The following RBPMS variants were observed in gnomAD, a reference collection of about 807,000 sequenced individuals.
RBPMS encodes RNA binding protein, mRNA processing factor, also known as RNA-binding protein with multiple splicing.
Under a neutral mutation model 26.8 loss-of-function variants are expected in RBPMS, and 7 were observed. That is an observed-to-expected ratio of 0.26 (90% CI 0.15 to 0.49). RBPMS has a LOEUF of 0.49. Among genes scored for constraint, RBPMS ranks in the 20% least tolerant of loss-of-function variants. RBPMS has a pLI of 0.98. For synonymous variants in RBPMS, 96 were observed against 93.3 expected (o/e 1.03, Z -0.17); for missense variants, 186 against 250.0 (o/e 0.74, Z 1.73).
At chr8:30,480,243 T>C (rs1343403116) in intron 4 of RBPMS, among the ~76,000 whole-genome samples, 1 of 152,132 alleles carries the variant, frequency 6.6e-6, no homozygotes, top group Non-Finnish European at 1.5e-5. Flanking sequence ...ACTTGACTGG[T>C]TGTAATACAG....
intron 1 of RBPMS, among the ~76,000 whole-genome samples, chr8:30,467,352 G>C (rs1438841867): frequency 6.6e-6 from 1 of 152,194 alleles, no homozygotes; most frequent in Non-Finnish European, 1.5e-5. Context: ...GTTAACCAGT[G>C]TGTAAAATTT....
At chr8:30,565,157 G>A (rs1435389612) in intron 7 of RBPMS, 1 of 152,214 alleles carries the variant, frequency 6.6e-6, no homozygotes, top group Non-Finnish European at 1.5e-5. Context: ...CTTTTGCTAG[G>A]AAACTAGAAT....
intron 1 of RBPMS, among the ~76,000 whole-genome samples, chr8:30,443,259 A>G (rs1402484637): frequency 6.6e-6 from 1 of 152,196 alleles, no homozygotes; most frequent in Admixed American, 6.5e-5. Context: ...TCTGAAGACT[A>G]TTTTAAATAG....
intron 7 of RBPMS, among the ~76,000 whole-genome samples, chr8:30,560,560 A>G (rs1489602010): frequency 1.3e-5 from 2 of 152,148 alleles, no homozygotes; most frequent in African/African-American, 4.8e-5. Context: ...CTCTAACCCA[A>G]TGTATTTCAT....
intron 1 of RBPMS, among the ~76,000 whole-genome samples, chr8:30,414,158 T>C (rs1312990838): frequency 1.4e-5 from 2 of 144,104 alleles, no homozygotes; most frequent in South Asian, 2.4e-4. Flanking sequence ...CAGTGGGTCA[T>C]TGATTGCTGT....
At position 30,455,496 on chromosome 8, in the gene RBPMS, A is replaced by G. The variant is rs1815091482; in HGVS notation, c.67-19283A>G. 5.3e-5 allele frequency among the ~76,000 whole-genome samples: 8 copies of G among 152,316 alleles called. No individual in the cohort carries two copies. The South Asian group carries it at 1.7e-3, about 32-fold the overall frequency. On this transcript the variant is annotated intron_variant, in intron 1 of 8. Transcript: ENST00000397323. ...TGCATTAGGAGTACAGAAGAGAAAA[A>G]GAATTGGGGCAGTGGGGAAAGCTGC...
At chr8:30,529,176 G>A (rs192477413) in intron 5 of RBPMS, among the ~76,000 whole-genome samples, 185 of 151,788 alleles carry the variant, frequency 1.2e-3, no homozygotes, top group African/African-American at 4.4e-3. Context: ...CCAAGATTGC[G>A]CCACTGCATC....
chr8:30,421,209 T>A (rs1810748961), intron 1 of RBPMS, among the ~76,000 whole-genome samples: 1 of 152,046 alleles, frequency 6.6e-6, no homozygotes, highest in South Asian at 2.1e-4. Flanking sequence ...GCTGGTCAGC[T>A]GCAGAACCTT....
At chr8:30,543,743 G>A (rs930441298) in intron 5 of RBPMS, among the ~76,000 whole-genome samples, 31 of 152,190 alleles carry the variant, frequency 2.0e-4, no homozygotes, top group Non-Finnish European at 3.5e-4. Context: ...ACTGCAGCCT[G>A]ACCTGGGTGG....
chr8:30,456,281 T>C (rs1459290553), intron 1 of RBPMS, among the ~76,000 whole-genome samples: 1 of 152,192 alleles, frequency 6.6e-6, no homozygotes, highest in East Asian at 1.9e-4. Context: ...TGAAGATATT[T>C]GGGCAAAAAA....
chr8:30,516,931 T>A (rs545144100), intron 5 of RBPMS, among the ~76,000 whole-genome samples: 2 of 106,464 alleles, frequency 1.9e-5, no homozygotes, highest in Non-Finnish European at 2.1e-5. Context: ...CAGACACACA[T>A]GAGTTTTCCT....
intron 7 of RBPMS, among the ~76,000 whole-genome samples, chr8:30,562,479 G>A (rs1206033502): frequency 6.6e-6 from 1 of 152,122 alleles, no homozygotes; most frequent in African/African-American, 2.4e-5. Flanking sequence ...ACTCCTGCAC[G>A]CGGGGGAGTC....
At chr8:30,489,346 G>A (rs186902321) in intron 4 of RBPMS, among the ~76,000 whole-genome samples, 13 of 152,150 alleles carry the variant, frequency 8.5e-5, no homozygotes, top group Non-Finnish European at 1.5e-4. Flanking sequence ...GCGCCTGACC[G>A]AGATGGGTAT....
At chr8:30,408,188 C>T (rs184518296) in intron 1 of RBPMS, among the ~76,000 whole-genome samples, 64 of 152,274 alleles carry the variant, frequency 4.2e-4, no homozygotes, top group African/African-American at 1.4e-3. Flanking sequence ...TCATTGGACT[C>T]TCCCCACCCT....
At chr8:30,549,154 G>C (rs1563438522) in intron 6 of RBPMS, among the ~76,000 whole-genome samples, 1 of 152,216 alleles carries the variant, frequency 6.6e-6, no homozygotes, top group African/African-American at 2.4e-5. Context: ...CCTGTGAACA[G>C]AGTCATGTCT....
At chr8:30,463,355 C>T (rs943365007) in intron 1 of RBPMS, among the ~76,000 whole-genome samples, 2 of 152,216 alleles carry the variant, frequency 1.3e-5, no homozygotes, top group African/African-American at 2.4e-5. Flanking sequence ...GCTGGGGCTG[C>T]GGTCATCTGA....
At chr8:30,537,287 C>G (rs1322678492) in intron 5 of RBPMS, among the ~76,000 whole-genome samples, 1 of 152,214 alleles carries the variant, frequency 6.6e-6, no homozygotes, top group African/African-American at 2.4e-5. Flanking sequence ...AAAGCAGTGA[C>G]TGGTCAGAAC....
chr8:30,539,761 G>T (rs1316257420), intron 5 of RBPMS, among the ~76,000 whole-genome samples: 1 of 151,994 alleles, frequency 6.6e-6, no homozygotes, highest in African/African-American at 2.4e-5. Flanking sequence ...AATTAGCTGG[G>T]ATTATAGGCG....
At chr8:30,464,837 A>G (rs1401874307) in intron 1 of RBPMS, among the ~76,000 whole-genome samples, 2 of 152,184 alleles carry the variant, frequency 1.3e-5, no homozygotes, top group African/African-American at 4.8e-5. Context: ...GTCCATGGAA[A>G]AGTCTTTATT....
Sources: allele counts gnomAD v4.1 joint callset (sites outside exome capture counted in the v4.1 genomes callset), GRCh38; gene constraint gnomAD v4.1.1; transcripts MANE v1.5; gene names NCBI Gene and HGNC (gene_info 2026-07-23, HGNC 2026-07-21).